The following ARAP2 variants were observed in gnomAD, a reference collection of about 807,000 sequenced individuals.
The protein encoded by ARAP2 is ArfGAP with RhoGAP domain, ankyrin repeat and PH domain 2.
In ARAP2, 148 loss-of-function variants were observed where a neutral mutation model predicts 194.5. The observed-to-expected ratio is 0.76, with a 90% CI of 0.67 to 0.87. ARAP2 has a LOEUF of 0.87. Among genes scored for constraint, ARAP2 ranks in the 40% least tolerant of loss-of-function variants. ARAP2 has a pLI of 0.00. For synonymous variants in ARAP2, 695 were observed against 683.5 expected, an observed-to-expected ratio of 1.02 and a Z score of -0.26; for missense variants, 2,128 against 1,989.7, an observed-to-expected ratio of 1.07 and a Z score of -1.32.
rs746097838 is a variant in ARAP2, at chr4:36,229,261, T to C, written c.226A>G (p.Ile76Val). The change falls in exon 2 of 33, where the codon ATA becomes GTA. Residue 76 changes from isoleucine to valine, a missense_variant. By Grantham distance (29) the Ile-to-Val change is conservative. Coordinates refer to ENST00000303965, the MANE Select transcript of ARAP2 (RefSeq NM_015230.4). ...IILSKMQDIP[I>V]YANVHKTKKN... ...TTAGTTTTATGAACATTTGCATATATTGGAATATCTTGCATTTTTGACAAG... is the reference window on the plus strand; with the variant it reads ...TTAGTTTTATGAACATTTGCATATACTGGAATATCTTGCATTTTTGACAAG... 1.2e-6 allele frequency: 2 copies of C among 1,614,048 alleles called. No homozygotes were observed. Among genetic ancestry groups the C allele is most frequent in the Non-Finnish European group, 1.7e-6 (2 of 1,179,944 alleles).
chr4:36,051,279 G>T (rs1422979294), intron 3 of ARAP2, among the ~76,000 whole-genome samples: 1 of 152,090 alleles, frequency 6.6e-6, no homozygotes, highest in Non-Finnish European at 1.5e-5. Flanking sequence ...AGGAGCTCGA[G>T]ACAAGCCTGG....
intron 2 of ARAP2, among the ~76,000 whole-genome samples, chr4:36,054,015 T>C (rs7676461): frequency 0.26 from 39,494 of 152,172 alleles, 5,734 homozygotes; most frequent in Non-Finnish European, 0.34. Context: ...GTTTAGGGCA[T>C]GTGACTAACA....
At chr4:36,051,720 C>T (rs905206381) in intron 3 of ARAP2, among the ~76,000 whole-genome samples, 3 of 152,132 alleles carry the variant, frequency 2.0e-5, no homozygotes, top group African/African-American at 7.2e-5. Context: ...ATCCTTCTTG[C>T]TTTAACTTAG....
intron 6 of ARAP2, among the ~76,000 whole-genome samples, chr4:36,018,800 T>C (rs1716355945): frequency 6.6e-6 from 1 of 152,212 alleles, no homozygotes; most frequent in Non-Finnish European, 1.5e-5. Context: ...AGAAGTGAGA[T>C]GAGCAACTTT....
intron 2 of ARAP2, among the ~76,000 whole-genome samples, chr4:36,226,607 A>G (rs1750369840): frequency 6.6e-6 from 1 of 151,942 alleles, no homozygotes; most frequent in Non-Finnish European, 1.5e-5. Context: ...TTGGATCTTT[A>G]TCTCTTTATG....
In ARAP2 at chr4:36,160,651, C is replaced by A. The variant is rs1334316693; in HGVS notation, c.2260-10G>T. ...CAATGACAATAAAAAGCTGAATTGT[C>A]AAAAAAAAAACCCCATAATATATCA... On this transcript the variant is annotated splice_polypyrimidine_tract_variant and intron_variant, in intron 12 of 32. Transcript: ENST00000303965. 1.6e-4 allele frequency: 181 copies of A among 1,167,710 alleles called. No homozygotes were observed. Among genetic ancestry groups the A allele is most frequent in the South Asian group, 9.9e-4 (39 of 39,222 alleles). The allele number at this position is 1,167,710 out of a possible 1,614,324, so 72.3% of individuals were successfully genotyped here.
At chr4:36,058,356 A>G (rs900071719) in intron 1 of ARAP2, among the ~76,000 whole-genome samples, 5 of 152,166 alleles carry the variant, frequency 3.3e-5, no homozygotes. Context: ...TGAGTCTCCA[A>G]TGTTGTTTCC....
intron 31 of ARAP2, among the ~76,000 whole-genome samples, chr4:36,077,821 T>C (rs1053384115): frequency 6.6e-6 from 1 of 152,176 alleles, no homozygotes; most frequent in African/African-American, 2.4e-5. Context: ...CTTACCTTCA[T>C]GATGTTTATA....
intron 9 of ARAP2, among the ~76,000 whole-genome samples, chr4:36,167,949 CTAAA>C (rs993887629): frequency 5.9e-5 from 9 of 151,314 alleles, no homozygotes; most frequent in African/African-American, 1.9e-4. Flanking sequence ...TAAATTCAGA[CTAAA>C]TGTGCTCTGA....
At chr4:36,214,289 A>C (rs969359401) in intron 3 of ARAP2, 133 bp downstream of exon 3, 7 of 553,844 alleles carry the variant, frequency 1.3e-5, no homozygotes, top group African/African-American at 2.0e-5. Context: ...CTGAAGTACT[A>C]TGAACACTGG....
At chr4:36,176,883 A>T (rs1012760480) in intron 9 of ARAP2, among the ~76,000 whole-genome samples, 3 of 152,092 alleles carry the variant, frequency 2.0e-5, no homozygotes, top group Admixed American at 1.3e-4. Flanking sequence ...CTTATAAAAA[A>T]TAGTCAGCAT....
intron 19 of ARAP2, among the ~76,000 whole-genome samples, chr4:36,133,635 T>C (rs1232449157): frequency 6.6e-6 from 1 of 151,792 alleles, no homozygotes; most frequent in African/African-American, 2.4e-5. Flanking sequence ...ATTCTCTTTC[T>C]GAATAACTAA....
chr4:36,094,019 T>C (rs4833086), intron 27 of ARAP2, among the ~76,000 whole-genome samples: 118,873 of 152,098 alleles, frequency 0.78, 48,473 homozygotes, highest in South Asian at 0.93. Flanking sequence ...ATCCTTTTCC[T>C]ACTATTATGA....
intron 15 of ARAP2, among the ~76,000 whole-genome samples, chr4:36,152,474 T>C (rs368033657): frequency 9.2e-5 from 14 of 152,186 alleles, no homozygotes; most frequent in African/African-American, 3.1e-4. Context: ...GAAGAATCTT[T>C]GTAAGAGAAT....
rs1488650024 is a variant in ARAP2 at position 36,177,818 on chromosome 4, A to G, written c.1857+9T>C. 6.3e-7 allele frequency: 1 copy of G among 1,584,930 alleles called. No homozygotes were observed. The highest frequency in any genetic ancestry group is 8.6e-7 in the Non-Finnish European group (1 of 1,168,734). On this transcript the variant is annotated intron_variant, in intron 9 of 32. Transcript: ENST00000303965. The stretch of plus-strand genomic sequence containing the variant: ...AGCAGCAATTTGCAATGACTATAAC[A>G]GAGCTCACCTGTTCGTTTTTGCAAA...
chr4:36,096,509 A>T (rs1045651541), intron 27 of ARAP2, among the ~76,000 whole-genome samples: 1 of 152,186 alleles, frequency 6.6e-6, no homozygotes, highest in African/African-American at 2.4e-5. Flanking sequence ...TAAAAATACA[A>T]ATAGTTGCTT....
chr4:36,113,279 T>C (rs538176126), intron 26 of ARAP2, among the ~76,000 whole-genome samples: 83 of 152,028 alleles, frequency 5.5e-4, no homozygotes, highest in African/African-American at 2.0e-3. Flanking sequence ...CAAAGTACCA[T>C]AGTCATTAGA....
At chr4:36,005,937 T>C (rs1329769828) in intron 10 of ARAP2, 1 of 152,242 alleles carries the variant, frequency 6.6e-6, no homozygotes, top group East Asian at 1.9e-4. Flanking sequence ...AAAGTTCCTG[T>C]AGAGAAACCA....
intron 5 of ARAP2, among the ~76,000 whole-genome samples, chr4:36,036,524 A>G (rs892325514): frequency 2.0e-5 from 3 of 152,158 alleles, no homozygotes; most frequent in African/African-American, 7.2e-5. Context: ...TGATGAATCA[A>G]TGATAATGAT....
Sources: allele counts gnomAD v4.1 joint callset (sites outside exome capture counted in the v4.1 genomes callset), GRCh38; gene constraint gnomAD v4.1.1; transcripts MANE v1.5; gene names NCBI Gene and HGNC (gene_info 2026-07-23, HGNC 2026-07-21).